Variants in FANCI observed in about 807,000 individuals in gnomAD.
The protein encoded by FANCI is FA complementation group I.
A neutral mutation model predicts 176.1 loss-of-function variants in FANCI; 156 were observed. The observed-to-expected ratio is 0.89, with a 90% CI of 0.78 to 1.01. The LOEUF (loss-of-function observed/expected upper bound fraction) is 1.01. Among genes scored for constraint, FANCI ranks in the 50% least tolerant of loss-of-function variants. The probability of loss-of-function intolerance (pLI) is 0.00; values close to 1 mark genes in which losing one functional copy is unlikely to be tolerated. For synonymous variants in FANCI, 613 were observed against 541.7 expected (o/e 1.13, Z -1.83); for missense variants, 1,678 against 1,534.1 (o/e 1.09, Z -1.57).
intron 7 of FANCI, 126 bp from the exon 8 acceptor site, chr15:89,263,777 T>C: frequency 8.8e-7 from 1 of 1,139,640 alleles, no homozygotes; most frequent in Admixed American, 2.1e-5. Flanking sequence ...TTTAATTCTC[T>C]GCTCCCAAGT....
rs79077664 is a variant in FANCI at position 89,309,478 on chromosome 15, T to C, written c.3651+1806T>C. ...ATATTAAAGGTGCTGAGACCAGTCA[T>C]GGTGGTTAATGGAGGCTGAGGTAAG... On this transcript the variant is annotated intron_variant, in intron 34 of 37. Transcript: ENST00000310775. Among the ~76,000 whole-genome samples, 388 of 152,174 alleles carry C rather than the reference T, an allele frequency of 2.5e-3. 4 individuals are homozygous for C. The highest frequency in any genetic ancestry group is 9.1e-3 in the African/African-American group (377 of 41,526).
chr15:89,305,958 AT>A, intron 31 of FANCI, 48 bp from the exon 32 acceptor site: 1 of 1,592,064 alleles, frequency 6.3e-7, no homozygotes, highest in Non-Finnish European at 8.6e-7. Flanking sequence ...TTTACTCTTA[AT>A]TAGAAAACGA....
intron 24 of FANCI, among the ~76,000 whole-genome samples, chr15:89,296,949 C>T (rs1404614199): frequency 2.7e-5 from 4 of 145,542 alleles, no homozygotes; most frequent in South Asian, 4.3e-4. Context: ...CCGGACGGGG[C>T]GGCTGGCCGG....
chr15:89,269,795 G>T (rs975525024), intron 10 of FANCI, among the ~76,000 whole-genome samples: 14 of 151,704 alleles, frequency 9.2e-5, no homozygotes, highest in African/African-American at 3.4e-4. Flanking sequence ...TATATTGTGG[G>T]ATATTATTCT....
intron 24 of FANCI, among the ~76,000 whole-genome samples, chr15:89,298,778 T>C (rs1035367156): frequency 7.2e-5 from 11 of 152,212 alleles, no homozygotes; most frequent in Non-Finnish European, 1.5e-4. Flanking sequence ...CTACTGATCC[T>C]ACAGATGCTA....
At chr15:89,315,149 C>T (rs2055174697) in intron 36 of FANCI, 133 bp from the exon 37 acceptor site, 3 of 728,578 alleles carry the variant, frequency 4.1e-6, no homozygotes, top group Middle Eastern at 2.3e-4. Flanking sequence ...CCCCAGCATA[C>T]AGAAGGAAGT....
chr15:89,267,002 G>T (rs2151342272), intron 9 of FANCI, among the ~76,000 whole-genome samples: 1 of 151,492 alleles, frequency 6.6e-6, no homozygotes, highest in East Asian at 1.9e-4. Flanking sequence ...GACTGGATGG[G>T]ATTATCAAGG....
intron 9 of FANCI, among the ~76,000 whole-genome samples, chr15:89,267,609 A>G (rs1358993668): frequency 6.6e-6 from 1 of 152,086 alleles, no homozygotes; most frequent in African/African-American, 2.4e-5. Context: ...ATGACTATAC[A>G]CATTTATTTT....
At chr15:89,258,563 T>C in intron 2 of FANCI, 141 bp from the exon 3 acceptor site, 1 of 743,738 alleles carries the variant, frequency 1.3e-6, no homozygotes, top group Non-Finnish European at 2.5e-6. Context: ...CCCTCCTCTG[T>C]CTAAAAATTA....
chr15:89,299,876 T>C lies in FANCI; in HGVS notation c.2713T>C (p.Ser905Pro), dbSNP rs548384807. ...AAAGAAAGAGAAAGGAAAGAGCATCTCACTGCTGTGCTTGGAGGGTTTACA... is the reference window on the plus strand; with the variant it reads ...AAAGAAAGAGAAAGGAAAGAGCATCCCACTGCTGTGCTTGGAGGGTTTACA... ...SGKKEKGKSI[S>P]LLCLEGLQKI... Residue 905 changes from serine to proline, a missense_variant, in exon 25 of 38, where the codon TCA becomes CCA. Coordinates refer to ENST00000310775, the MANE Select transcript of FANCI (RefSeq NM_001113378.2). 3 of 1,614,134 alleles carry C rather than the reference T, an allele frequency of 1.9e-6. No homozygotes were observed. The highest frequency in any genetic ancestry group is 3.3e-5 in the Admixed American group (2 of 60,018).
At chr15:89,250,577 G>A (rs1270105037) in intron 2 of FANCI, among the ~76,000 whole-genome samples, 1 of 151,230 alleles carries the variant, frequency 6.6e-6, no homozygotes, top group Non-Finnish European at 1.5e-5. Context: ...GATAGCATTA[G>A]GAGATACACC....
chr15:89,249,235 TAAAG>T (rs1046213874), intron 2 of FANCI, among the ~76,000 whole-genome samples: 1 of 152,068 alleles, frequency 6.6e-6, no homozygotes, highest in African/African-American at 2.4e-5. Flanking sequence ...ATAAAACACA[TAAAG>T]AAGTCCTGTG....
intron 3 of FANCI, chr15:89,259,437 G>C (rs1297762011): frequency 6.6e-6 from 1 of 152,478 alleles, no homozygotes; most frequent in Non-Finnish European, 1.5e-5. Context: ...GAGTCAACCT[G>C]TATGGAAACT....
rs59945953 is a variant in FANCI at position 89,273,310 on chromosome 15, TAAAAAAA to T, written c.883-57_883-51del. On this transcript the variant is annotated intron_variant, in intron 10 of 37. Transcript: ENST00000310775. ...CAGAGAGACCCAATCTTTTTTTTTT[TAAAAAAA>T]AAAAAAAAAGAAAAAAGAAAATGTA... 1.6e-3 allele frequency: 932 copies of T among 597,622 alleles called. 3 individuals carry two copies. The highest frequency in any genetic ancestry group is 4.2e-3 in the Middle Eastern group (9 of 2,160). 37.0% of individuals were successfully genotyped at this position (597,622 alleles called of 1,614,324 possible). A position where few individuals can be genotyped will look rare whatever the true frequency, so the allele number is the denominator to read the frequency against.
At chr15:89,288,345 AT>A (rs1308911044) in intron 18 of FANCI, among the ~76,000 whole-genome samples, 2 of 152,140 alleles carry the variant, frequency 1.3e-5, no homozygotes, top group African/African-American at 4.8e-5. Context: ...CCCAAAAAAA[AT>A]CTTCACCCTT....
At chr15:89,255,489 A>G (rs981309690) in intron 2 of FANCI, among the ~76,000 whole-genome samples, 2 of 152,114 alleles carry the variant, frequency 1.3e-5, no homozygotes, top group Admixed American at 1.3e-4. Flanking sequence ...GGGGGAAGTA[A>G]TTATAAAGTG....
At position 89,316,146 on chromosome 15, in the gene FANCI, A is replaced by G. The variant is rs976072; in HGVS notation, c.3925-251A>G. ...GATGTCAATGGCTTCTTCTCTTGTC[A>G]TTTTGTCCCATAAGTATCCTCAGTA... On this transcript the variant is annotated intron_variant, in intron 37 of 37. Coordinates refer to ENST00000310775, the MANE Select transcript of FANCI (RefSeq NM_001113378.2). 0.32 allele frequency among the ~76,000 whole-genome samples: 48,658 copies of G among 151,984 alleles called. 8,765 individuals carry two copies. Among genetic ancestry groups the G allele is most frequent in the Non-Finnish European group, 0.39 (26,520 of 67,948 alleles).
intron 4 of FANCI, among the ~76,000 whole-genome samples, chr15:89,261,044 G>A (rs564676135): frequency 1.3e-5 from 2 of 152,020 alleles, no homozygotes; most frequent in African/African-American, 2.4e-5. Context: ...GGTGAGGATC[G>A]CTTGAGCTCA....
intron 24 of FANCI, among the ~76,000 whole-genome samples, chr15:89,299,127 C>T (rs1202665539): frequency 6.6e-6 from 1 of 151,132 alleles, no homozygotes; most frequent in Admixed American, 6.6e-5. Context: ...GTGAGATCAC[C>T]CCACTGCACT....
Sources: allele counts gnomAD v4.1 joint callset (sites outside exome capture counted in the v4.1 genomes callset), GRCh38; gene constraint gnomAD v4.1.1; transcripts MANE v1.5; gene names NCBI Gene and HGNC (gene_info 2026-07-23, HGNC 2026-07-21).